Variants in CTNNA3 observed in about 807,000 individuals in gnomAD.
CTNNA3 encodes the protein catenin alpha-3.
CTNNA3 carries 76 observed loss-of-function variants against 95.7 expected under a neutral mutation model. The ratio of observed to expected loss-of-function variants is 0.79; its 90% CI spans 0.66 to 0.96. The LOEUF (loss-of-function observed/expected upper bound fraction) is 0.96, where lower values mean the gene tolerates loss of function less well. Ranked by LOEUF, CTNNA3 falls within the 40% of genes least tolerant of loss-of-function variation. CTNNA3 has a pLI of 0.00. For missense variants in CTNNA3, 1,191 were observed against 1,089.8 expected (o/e 1.09, Z -1.31); for synonymous variants, 431 against 374.4 (o/e 1.15, Z -1.74).
intron 1 of CTNNA3, among the ~76,000 whole-genome samples, chr10:67,726,402 T>A (rs556096033): frequency 5.2e-4 from 23 of 44,038 alleles, no homozygotes; most frequent in Admixed American, 2.3e-3. Flanking sequence ...ATATTATATA[T>A]TATATCATAT....
intron 9 of CTNNA3, among the ~76,000 whole-genome samples, chr10:66,765,001 C>T (rs1006205103): frequency 2.6e-5 from 4 of 152,054 alleles, no homozygotes; most frequent in African/African-American, 9.7e-5. Context: ...ACATCTAAGG[C>T]CAATTGAAAT....
chr10:65,973,062 A>G (rs1334071986), intron 16 of CTNNA3, among the ~76,000 whole-genome samples: 1 of 152,182 alleles, frequency 6.6e-6, no homozygotes, highest in Non-Finnish European at 1.5e-5. Context: ...CTGCACAACT[A>G]AAACCATCTG....
At chr10:67,052,309 C>T (rs1376153791) in intron 7 of CTNNA3, among the ~76,000 whole-genome samples, 1 of 119,768 alleles carries the variant, frequency 8.3e-6, no homozygotes, top group South Asian at 3.2e-4. Flanking sequence ...CACACCCACT[C>T]ATCACTCTCT....
chr10:66,998,549 T>G (rs1320037027), intron 7 of CTNNA3, among the ~76,000 whole-genome samples: 1 of 151,632 alleles, frequency 6.6e-6, no homozygotes, highest in Non-Finnish European at 1.5e-5. Flanking sequence ...AATAAAAAGA[T>G]GAAGAATGAC....
At chr10:66,057,132 T>C (rs1236364920) in intron 15 of CTNNA3, among the ~76,000 whole-genome samples, 1 of 152,176 alleles carries the variant, frequency 6.6e-6, no homozygotes, top group Non-Finnish European at 1.5e-5. Flanking sequence ...AGCTTTCCTT[T>C]TCCCTGCCTG....
At chr10:67,469,221 T>C (rs1347797054) in intron 5 of CTNNA3, among the ~76,000 whole-genome samples, 2 of 152,230 alleles carry the variant, frequency 1.3e-5, no homozygotes, top group Non-Finnish European at 2.9e-5. Context: ...TTATTCATTC[T>C]ATCCAAAATC....
chr10:66,379,349 CTT>C lies in CTNNA3; in HGVS notation c.1533_1534del (p.Ser512ProfsTer19). The C allele has an allele frequency of 1.2e-6, 2 of 1,613,170 alleles. No individual in the cohort carries two copies. The highest frequency in any genetic ancestry group is 1.7e-6 in the Non-Finnish European group (2 of 1,179,194). Reference sequence around the variant, plus strand: ...CTTGTTGACATCTTCCAAGATATGGCTTTCTGTAAGTAAATGAATCAAATTAG... The same window carrying C: ...CTTGTTGACATCTTCCAAGATATGGCTCTGTAAGTAAATGAATCAAATTAG... On this transcript the variant is annotated frameshift_variant and splice_region_variant, in exon 12 of 18. Transcript: ENST00000433211. LOFTEE classifies it high-confidence loss of function.
intron 7 of CTNNA3, among the ~76,000 whole-genome samples, chr10:66,871,363 A>T (rs539625445): frequency 1.9e-4 from 29 of 152,184 alleles, no homozygotes; most frequent in Admixed American, 3.3e-4. Context: ...GTTCGAGACC[A>T]GCCTGACCAA....
intron 5 of CTNNA3, among the ~76,000 whole-genome samples, chr10:67,493,198 G>C (rs910467421): frequency 2.0e-5 from 3 of 148,406 alleles, no homozygotes; most frequent in Admixed American, 6.7e-5. Context: ...GCTTCACCTA[G>C]CTCAACGTGG....
At chr10:66,533,350 C>A (rs756116378) in intron 10 of CTNNA3, among the ~76,000 whole-genome samples, 11 of 152,058 alleles carry the variant, frequency 7.2e-5, no homozygotes, top group African/African-American at 1.2e-4. Context: ...GGTCAGTTTC[C>A]TAGATTGTCA....
chr10:67,095,402 C>T (rs1429036565), intron 7 of CTNNA3, among the ~76,000 whole-genome samples: 2 of 151,602 alleles, frequency 1.3e-5, no homozygotes, highest in Admixed American at 6.6e-5. Context: ...CAAAATAAGA[C>T]ATATCCAACA....
intron 11 of CTNNA3, among the ~76,000 whole-genome samples, chr10:66,476,389 G>A (rs1354167635): frequency 1.3e-5 from 2 of 152,002 alleles, no homozygotes; most frequent in Non-Finnish European, 2.9e-5. Context: ...TAAAAAGTGA[G>A]AGACAGAACA....
At chr10:66,473,582 T>G (rs1230779539) in intron 11 of CTNNA3, among the ~76,000 whole-genome samples, 2 of 152,002 alleles carry the variant, frequency 1.3e-5, no homozygotes, top group African/African-American at 4.8e-5. Flanking sequence ...TTGTTACACA[T>G]GTATACATGT....
intron 16 of CTNNA3, among the ~76,000 whole-genome samples, chr10:65,988,151 T>C (rs2078466113): frequency 6.6e-6 from 1 of 152,138 alleles, no homozygotes. Context: ...ATTTATTGTG[T>C]ATTTAAAAAT....
intron 7 of CTNNA3, among the ~76,000 whole-genome samples, chr10:66,810,903 G>C (rs1377018957): frequency 6.6e-6 from 1 of 152,018 alleles, no homozygotes; most frequent in Non-Finnish European, 1.5e-5. Context: ...GTTACTCTTA[G>C]ACTGTTATAT....
At chr10:67,528,442 G>A (rs533946057) in intron 4 of CTNNA3, among the ~76,000 whole-genome samples, 1 of 152,060 alleles carries the variant, frequency 6.6e-6, no homozygotes, top group South Asian at 2.1e-4. Context: ...TTCAACTCTT[G>A]TTCCTCTCAC....
At chr10:67,555,650 T>A (rs916407066) in intron 3 of CTNNA3, among the ~76,000 whole-genome samples, 3 of 152,214 alleles carry the variant, frequency 2.0e-5, no homozygotes, top group Non-Finnish European at 2.9e-5. Flanking sequence ...TAAGGAGATT[T>A]TGGGCTGAGA....
At chr10:67,504,358 C>A (rs1839357668) in intron 5 of CTNNA3, among the ~76,000 whole-genome samples, 1 of 134,740 alleles carries the variant, frequency 7.4e-6, no homozygotes, top group Non-Finnish European at 1.5e-5. Context: ...GAGGCTAAGG[C>A]AGGAGAATGG....
At chr10:67,095,721 T>C (rs1396211457) in intron 7 of CTNNA3, among the ~76,000 whole-genome samples, 4 of 151,810 alleles carry the variant, frequency 2.6e-5, no homozygotes, top group Non-Finnish European at 5.9e-5. Context: ...TAAGGACAAG[T>C]ATATAAAATC....
Sources: allele counts gnomAD v4.1 joint callset (sites outside exome capture counted in the v4.1 genomes callset), GRCh38; gene constraint gnomAD v4.1.1; transcripts MANE v1.5; gene names NCBI Gene and HGNC (gene_info 2026-07-23, HGNC 2026-07-21).